ABCD4: variants seen among roughly 807,000 people sequenced by gnomAD.
ABCD4 encodes the protein lysosomal cobalamin transporter ABCD4.
In ABCD4, 53 loss-of-function variants were observed where a neutral mutation model predicts 86.3. The observed-to-expected ratio is 0.61, with a 90% confidence interval of 0.49 to 0.77. The LOEUF is 0.77. Ranked by LOEUF, ABCD4 falls within the 30% of genes least tolerant of loss-of-function variation. The pLI is 0.00. For synonymous variants in ABCD4, 328 were observed against 313.6 expected (o/e 1.05, Z -0.49); for missense variants, 757 against 764.5 (o/e 0.99, Z 0.12).
intron 15 of ABCD4, 32 bp downstream of exon 15, chr14:74,288,684 C>T (rs1422265563): frequency 6.2e-7 from 1 of 1,610,636 alleles, no homozygotes; most frequent in Non-Finnish European, 8.5e-7. Flanking sequence ...CCCAGGTGGG[C>T]TCGGGTCCTG....
Position 74,293,193 on chromosome 14 carries a change from T to C in ABCD4, c.775A>G (p.Thr259Ala), listed in dbSNP as rs201664321. Reference protein sequence around the residue: ...TDRRLQRLLQTQRELMSKELW... With the variant: ...TDRRLQRLLQAQRELMSKELW... ...TCCTTGGACATCAGCTCCCTCTGGG[T>C]CTGAAGGAGTCTCTGCAGCCTGCGG... is the stretch of plus-strand genomic sequence containing the variant. Residue 259 changes from threonine (T) to alanine (A), a missense_variant, in exon 8 of 19, where the codon ACC becomes GCC. Physicochemically the swap from Thr to Ala is moderately conservative, Grantham distance 58 (BLOSUM62 0). Coordinates refer to ENST00000356924, the MANE Select transcript of ABCD4 (RefSeq NM_005050.4). The C allele has an allele frequency of 6.2e-7, 1 of 1,614,142 alleles. No homozygotes were observed. The highest frequency in any genetic ancestry group is 1.1e-5 in the South Asian group (1 of 91,082).
chr14:74,298,353 C>T lies in ABCD4; in HGVS notation c.286-284G>A, dbSNP rs186790107. ...ATGGCGCGATCTTGGCTCACCACAA[C>T]CTCCGCCTCCCAGTTTCAAGCGATT... On this transcript the variant is annotated intron_variant, in intron 3 of 18. Coordinates refer to ENST00000356924, the MANE Select transcript of ABCD4 (RefSeq NM_005050.4). Among the ~76,000 whole-genome samples the T allele has an allele frequency of 1.4e-4, 22 of 152,296 alleles. No individual in the cohort carries two copies. The East Asian group carries it at 4.2e-3, about 29-fold the overall frequency.
intron 1 of ABCD4, among the ~76,000 whole-genome samples, chr14:74,301,899 CAAAA>C (rs1322409660): frequency 1.3e-5 from 2 of 150,940 alleles, no homozygotes; most frequent in Non-Finnish European, 2.9e-5. Flanking sequence ...AACTCCGTCT[CAAAA>C]GAAAGAAAGA....
At chr14:74,295,739 G>A (rs2082679858) in intron 6 of ABCD4, 115 bp downstream of exon 6, 1 of 1,435,628 alleles carries the variant, frequency 7.0e-7, no homozygotes, top group East Asian at 2.3e-5. Context: ...ACCTCTCCAA[G>A]ATCACACAGC....
Position 74,287,898 on chromosome 14 carries a change from T to C in ABCD4, c.1560-12A>G, listed in dbSNP as rs74061802. The C allele has an allele frequency of 1.9e-6, 3 of 1,609,068 alleles. No individual in the cohort carries two copies. The highest frequency in any genetic ancestry group is 2.5e-6 in the Non-Finnish European group (3 of 1,176,778). On this transcript the variant is annotated splice_polypyrimidine_tract_variant and intron_variant, in intron 16 of 18. Coordinates refer to ENST00000356924, the MANE Select transcript of ABCD4 (RefSeq NM_005050.4). Reference sequence around the variant, plus strand: ...ACAGAACATCATACCTGAGGAAAGGTAGGAGAGAGGACTGCTAGAGGAGGA... The same window carrying C: ...ACAGAACATCATACCTGAGGAAAGGCAGGAGAGAGGACTGCTAGAGGAGGA...
At position 74,299,687 on chromosome 14, in the gene ABCD4, G is replaced by C; in HGVS notation, c.158-12C>G. ...GATCACAAATTGCTCTGAAAGGAGG[G>C]AGAGGAGTAAGAAATCAGTGATGAG... On this transcript the variant is annotated splice_polypyrimidine_tract_variant and intron_variant, in intron 2 of 18. Coordinates refer to ENST00000356924, the MANE Select transcript of ABCD4 (RefSeq NM_005050.4). The C allele has an allele frequency of 6.2e-7, 1 of 1,608,376 alleles. No homozygotes were observed. The highest frequency in any genetic ancestry group is 8.5e-7 in the Non-Finnish European group (1 of 1,177,062).
At chr14:74,288,607 G>T in intron 15 of ABCD4, 109 bp downstream of exon 15, 1 of 1,301,868 alleles carries the variant, frequency 7.7e-7, no homozygotes, top group South Asian at 1.3e-5. Flanking sequence ...CTCCACCCCA[G>T]GTTCAGACTT....
At chr14:74,302,116 G>C (rs1171103119) in intron 1 of ABCD4, among the ~76,000 whole-genome samples, 2 of 152,068 alleles carry the variant, frequency 1.3e-5, no homozygotes, top group Non-Finnish European at 2.9e-5. Flanking sequence ...CCCAACTCTG[G>C]GGTGGATACC....
At position 74,286,355 on chromosome 14, in the gene ABCD4, G is replaced by A. The variant is rs2079736719; in HGVS notation, c.*106C>T. The A allele has an allele frequency of 8.0e-7, 1 of 1,246,074 alleles. No homozygotes were observed. The highest frequency in any genetic ancestry group is 1.2e-5 in the South Asian group (1 of 81,436). The allele number at this position is 1,246,074 out of a possible 1,614,324, so 77.2% of individuals were successfully genotyped here. ...CAGGACCCATGTGGCTCCTGCACGG[G>A]ATCTATGTGGCGAACCTGAGCTCGA... On this transcript the variant is annotated 3_prime_UTR_variant, in exon 19 of 19. Transcript: ENST00000356924.
rs1043916798 is a variant in ABCD4, at chr14:74,302,791, G to A, written c.38+84C>T. The A allele has an allele frequency of 1.6e-5, 22 of 1,364,294 alleles. No homozygotes were observed. The African/African-American group carries it at 3.2e-4, about 20-fold the overall frequency. The allele number at this position is 1,364,294 out of a possible 1,614,324, so 84.5% of individuals were successfully genotyped here. Reference sequence around the variant, plus strand: ...GCGAGACGGGGGCGCCAGGGCGGCGGACGAGGCACGGAGGGCAGGAAAGCC... The same window carrying A: ...GCGAGACGGGGGCGCCAGGGCGGCGAACGAGGCACGGAGGGCAGGAAAGCC... On this transcript the variant is annotated intron_variant, in intron 1 of 18. Transcript: ENST00000356924.
intron 1 of ABCD4, among the ~76,000 whole-genome samples, chr14:74,302,031 G>GCACT (rs1361588534): frequency 6.6e-6 from 1 of 152,162 alleles, no homozygotes; most frequent in East Asian, 1.9e-4. Context: ...GAAGCTTTAT[G>GCACT]CACTGCCCGT....
rs752301205 is a variant in ABCD4 at position 74,286,412 on chromosome 14, A to G, written c.*49T>C. On this transcript the variant is annotated 3_prime_UTR_variant, in exon 19 of 19. Transcript: ENST00000356924. Reference sequence around the variant, plus strand: ...CTGTCAGTCCTCCTGGTCTCTCCTGAGGGCCGCCGACCCGCCACAGTGTGG... The same window carrying G: ...CTGTCAGTCCTCCTGGTCTCTCCTGGGGGCCGCCGACCCGCCACAGTGTGG... The G allele has an allele frequency of 3.7e-6, 6 of 1,602,590 alleles. No homozygotes were observed. The highest frequency in any genetic ancestry group is 4.3e-6 in the Non-Finnish European group (5 of 1,170,288).
rs2139833104 is a variant in ABCD4 at position 74,290,481 on chromosome 14, C to T, written c.1137G>A (p.Ala379=). The T allele has an allele frequency of 8.7e-6, 14 of 1,613,536 alleles. No individual in the cohort carries two copies. Among genetic ancestry groups the T allele is most frequent in the African/African-American group, 5.3e-5 (4 of 74,984 alleles). The change falls in exon 12 of 19, where the codon GCG becomes GCA. Residue 379 remains alanine (A), a synonymous_variant. Transcript: ENST00000356924. The part of the protein sequence containing the change: ...WGLDTPPGWP[A]AEPADTAFLL... ...GAAATGCTGTGTCTGCTGGCTCTGC[C>T]GCTGGCCACCCTGGGGGTCTGTGTC...
chr14:74,300,545 T>C (rs1231694820), intron 1 of ABCD4, among the ~76,000 whole-genome samples: 2 of 149,528 alleles, frequency 1.3e-5, no homozygotes, highest in Non-Finnish European at 3.0e-5. Flanking sequence ...TGAGCTGAGA[T>C]TGCGCCATTG....
At chr14:74,288,506 T>C in intron 15 of ABCD4, 5 of 662,534 alleles carry the variant, frequency 7.5e-6, no homozygotes, top group Non-Finnish European at 1.3e-5. Context: ...TCATCAATCC[T>C]ATTCTTGTTT....
At chr14:74,290,672 G>C (rs552921628) in intron 11 of ABCD4, among the ~76,000 whole-genome samples, 173 bp from the exon 12 acceptor site, 3 of 149,028 alleles carry the variant, frequency 2.0e-5, no homozygotes, top group East Asian at 2.0e-4. Context: ...AACTGCATTC[G>C]GAGGCAGGGT....
chr14:74,286,374 A>G lies in ABCD4; in HGVS notation c.*87T>C. On this transcript the variant is annotated 3_prime_UTR_variant, in exon 19 of 19. Coordinates refer to ENST00000356924, the MANE Select transcript of ABCD4 (RefSeq NM_005050.4). ...GCACGGGATCTATGTGGCGAACCTG[A>G]GCTCGATCTTCGCTGTCAGTCCTCC... is the stretch of plus-strand genomic sequence containing the variant. 6.9e-7 allele frequency: 1 copy of G among 1,452,686 alleles called. No individual in the cohort carries two copies. The highest frequency in any genetic ancestry group is 1.7e-4 in the Middle Eastern group (1 of 5,756). 90.0% of individuals were successfully genotyped at this position (1,452,686 alleles called of 1,614,324 possible). A position where few individuals can be genotyped will look rare whatever the true frequency, so the allele number is the denominator to read the frequency against.
chr14:74,298,002 T>A lies in ABCD4; in HGVS notation c.353A>T (p.His118Leu), dbSNP rs1313056426. 1 of 1,613,696 alleles carries A rather than the reference T, an allele frequency of 6.2e-7. No individual in the cohort carries two copies. The highest frequency in any genetic ancestry group is 2.2e-5 in the East Asian group (1 of 44,872). The change falls in exon 4 of 19, where the codon CAC becomes CTC. Residue 118 changes from histidine (H) to leucine (L), a missense_variant. Coordinates refer to ENST00000356924, the MANE Select transcript of ABCD4 (RefSeq NM_005050.4). ...GCCCCGGAAGTAGAGGCGGTGAAGG[T>A]GCTCAGTGAGGTCCTTCCTCCAGCT... ...YVSWRKDLTE[H>L]LHRLYFRGRA...
chr14:74,299,814 C>CT, intron 2 of ABCD4, 139 bp from the exon 3 acceptor site: 1 of 798,060 alleles, frequency 1.3e-6, no homozygotes, highest in Non-Finnish European at 2.0e-6. Flanking sequence ...GTAATCCCAG[C>CT]ACTTTGGGAG....
Sources: allele counts gnomAD v4.1 joint callset (sites outside exome capture counted in the v4.1 genomes callset), GRCh38; gene constraint gnomAD v4.1.1; transcripts MANE v1.5; gene names NCBI Gene and HGNC (gene_info 2026-07-23, HGNC 2026-07-21).